SLC13A3: variants seen among roughly 807,000 people sequenced by gnomAD.
SLC13A3 encodes the protein solute carrier family 13 member 3.
In SLC13A3, 40 loss-of-function variants were observed where a neutral mutation model predicts 59.0. The ratio of observed to expected loss-of-function variants is 0.68; its 90% CI spans 0.53 to 0.88. SLC13A3 has a LOEUF of 0.88. Ranked by LOEUF, SLC13A3 falls within the 40% of genes least tolerant of loss-of-function variation. SLC13A3 has a pLI of 0.00. For synonymous variants in SLC13A3, 317 were observed against 330.3 expected, an observed-to-expected ratio of 0.96 and a Z score of 0.44; for missense variants, 699 against 783.2, an observed-to-expected ratio of 0.89 and a Z score of 1.28.
chr20:46,561,768 A>G (rs2061933621), intron 12 of SLC13A3, among the ~76,000 whole-genome samples: 1 of 151,888 alleles, frequency 6.6e-6, no homozygotes, highest in South Asian at 2.1e-4. Context: ...TTCTAAGGGC[A>G]CAGAGGTGGA....
Position 46,566,186 on chromosome 20 carries a change from G to T in SLC13A3, c.1494+43C>A, listed in dbSNP as rs768592914. On this transcript the variant is annotated intron_variant, in intron 11 of 12. Coordinates refer to ENST00000279027, the MANE Select transcript of SLC13A3 (RefSeq NM_022829.6). The stretch of plus-strand genomic sequence containing the variant: ...GGCGGGGGAAGATTTCTGAATGTGT[G>T]TTGGGGGAGGGGTGCTCCCCTCTTC... The T allele has an allele frequency of 2.6e-6, 4 of 1,561,556 alleles. No homozygotes were observed. The East Asian group carries it at 9.1e-5, about 35-fold the overall frequency.
At chr20:46,625,244 A>G (rs942815845) in intron 1 of SLC13A3, among the ~76,000 whole-genome samples, 3 of 152,192 alleles carry the variant, frequency 2.0e-5, no homozygotes, top group Non-Finnish European at 4.4e-5. Flanking sequence ...AGGGGAGGGG[A>G]AAGGATTTCA....
intron 1 of SLC13A3, among the ~76,000 whole-genome samples, chr20:46,622,627 T>TGC (rs1295652414): frequency 2.3e-5 from 1 of 43,634 alleles, no homozygotes; most frequent in Admixed American, 2.8e-4. Context: ...TGTGCGTGTG[T>TGC]GTGTGTGTGT....
At chr20:46,609,038 G>A (rs757196730) in intron 3 of SLC13A3, 2 of 1,550,548 alleles carry the variant, frequency 1.3e-6, no homozygotes, top group Non-Finnish European at 1.7e-6. Context: ...CCTCAGAGAG[G>A]AAAGTATTGG....
intron 1 of SLC13A3, among the ~76,000 whole-genome samples, chr20:46,628,413 G>A (rs1304605985): frequency 3.3e-5 from 5 of 152,288 alleles, no homozygotes; most frequent in East Asian, 1.9e-4. Context: ...TCCCTCTGCC[G>A]TCAGAAGCCA....
chr20:46,602,298 T>A (rs1238875751), intron 3 of SLC13A3, among the ~76,000 whole-genome samples: 1 of 152,188 alleles, frequency 6.6e-6, no homozygotes, highest in Non-Finnish European at 1.5e-5. Context: ...ATCATGCTAC[T>A]GCACTCCACC....
intron 1 of SLC13A3, among the ~76,000 whole-genome samples, chr20:46,615,003 G>A (rs554165432): frequency 1.3e-5 from 2 of 152,134 alleles, no homozygotes; most frequent in African/African-American, 4.8e-5. Context: ...AGCTACATTG[G>A]TGTGCACATT....
intron 1 of SLC13A3, among the ~76,000 whole-genome samples, chr20:46,680,810 G>A (rs1440503975): frequency 6.6e-6 from 1 of 152,212 alleles, no homozygotes; most frequent in Non-Finnish European, 1.5e-5. Context: ...TGCTGTGGAT[G>A]TTGATCCCAA....
intron 1 of SLC13A3, among the ~76,000 whole-genome samples, chr20:46,642,055 T>C (rs576831743): frequency 5.1e-4 from 78 of 152,328 alleles, no homozygotes; most frequent in Non-Finnish European, 4.4e-5. Flanking sequence ...TAAAGGCTCA[T>C]GCCCACGTTT....
intron 9 of SLC13A3, among the ~76,000 whole-genome samples, chr20:46,582,374 C>T (rs553179017): frequency 6.6e-6 from 1 of 151,884 alleles, no homozygotes; most frequent in Non-Finnish European, 1.5e-5. Context: ...GCAATCCACC[C>T]GCCTCAGCCT....
In SLC13A3 at chr20:46,649,666, T is replaced by C. The variant is rs1366922882; in HGVS notation, c.111+1645A>G. On this transcript the variant is annotated intron_variant, in intron 1 of 12. Transcript: ENST00000279027. Reference sequence around the variant, plus strand: ...AAGCTAGCGGTGTAATCGCTCCACTTACAGGGAAGCAAAACCCAAAGAGGA... The same window carrying C: ...AAGCTAGCGGTGTAATCGCTCCACTCACAGGGAAGCAAAACCCAAAGAGGA... 2.0e-5 allele frequency among the ~76,000 whole-genome samples: 3 copies of C among 152,140 alleles called. No individual in the cohort carries two copies. The East Asian group carries it at 5.8e-4, about 29-fold the overall frequency.
At chr20:46,644,313 A>G (rs6012001) in intron 1 of SLC13A3, among the ~76,000 whole-genome samples, 6,197 of 152,110 alleles carry the variant, frequency 0.041, 381 homozygotes, top group African/African-American at 0.14. Flanking sequence ...ATATGAACCC[A>G]TTTCCTCCCC....
intron 9 of SLC13A3, chr20:46,582,884 C>T: frequency 1.0e-6 from 1 of 985,412 alleles, no homozygotes; most frequent in Non-Finnish European, 1.2e-6. Flanking sequence ...GAGTCGCAAG[C>T]TGGCAATCTG....
intron 1 of SLC13A3, among the ~76,000 whole-genome samples, chr20:46,632,916 TA>T (rs1568947715): frequency 1.3e-4 from 9 of 69,390 alleles, no homozygotes; most frequent in South Asian, 1.1e-3. Context: ...TAGATATATC[TA>T]TCTATCTATC....
intron 1 of SLC13A3, among the ~76,000 whole-genome samples, chr20:46,621,591 C>T (rs911125280): frequency 8.5e-5 from 13 of 152,066 alleles, no homozygotes; most frequent in Middle Eastern, 3.4e-3. Flanking sequence ...ATAGATGGTT[C>T]TGGAATAAAA....
chr20:46,656,638 A>G (rs1333442599), intron 1 of SLC13A3, among the ~76,000 whole-genome samples: 1 of 149,526 alleles, frequency 6.7e-6, no homozygotes, highest in East Asian at 1.9e-4. Context: ...TATATGATAT[A>G]TACTACCTAT....
rs2061978772 is a variant in SLC13A3 at position 46,566,219 on chromosome 20, G to T, written c.1494+10C>A. 6.2e-7 allele frequency: 1 copy of T among 1,610,920 alleles called. No homozygotes were observed. Among genetic ancestry groups the T allele is most frequent in the South Asian group, 1.1e-5 (1 of 91,006 alleles). On this transcript the variant is annotated intron_variant, in intron 11 of 12. Transcript: ENST00000279027. The stretch of plus-strand genomic sequence containing the variant: ...AGGGGTGCTCCCCTCTTCCCCAGAA[G>T]GACCCTCACCAGCTCTGCCAGGACC...
intron 1 of SLC13A3, among the ~76,000 whole-genome samples, chr20:46,639,222 G>C (rs750111096): frequency 6.6e-6 from 1 of 151,672 alleles, no homozygotes; most frequent in African/African-American, 2.4e-5. Flanking sequence ...GGGCAGGGGG[G>C]TGGGGGTGAG....
chr20:46,575,266 C>A (rs551703471), intron 10 of SLC13A3, among the ~76,000 whole-genome samples: 4 of 152,298 alleles, frequency 2.6e-5, no homozygotes, highest in Middle Eastern at 3.4e-3. Context: ...ATTGGGTGAG[C>A]GCAATATGTT....
Sources: allele counts gnomAD v4.1 joint callset (sites outside exome capture counted in the v4.1 genomes callset), GRCh38; gene constraint gnomAD v4.1.1; transcripts MANE v1.5; gene names NCBI Gene and HGNC (gene_info 2026-07-23, HGNC 2026-07-21).